ZNF385D: variants seen among roughly 807,000 people sequenced by gnomAD.
The protein encoded by ZNF385D is zinc finger protein 659.
In ZNF385D, 15 loss-of-function variants were observed where a neutral mutation model predicts 35.8. The ratio of observed to expected loss-of-function variants is 0.42; its 90% CI spans 0.28 to 0.64. ZNF385D has a LOEUF of 0.64. Ranked by LOEUF, ZNF385D falls within the 30% of genes least tolerant of loss-of-function variation. The pLI is 0.23. For missense variants in ZNF385D, 474 were observed against 494.6 expected (o/e 0.96, Z 0.39); for synonymous variants, 212 against 186.8 (o/e 1.13, Z -1.10).
Position 22,251,782 on chromosome 3 carries a change from C to G in ZNF385D, c.107-82747G>C, listed in dbSNP as rs566047785. ...AGGGAAATAATATAGCACAGTGGTT[C>G]AGAGTTTGAGCTTGGGATCTTAGAG... On this transcript the variant is annotated intron_variant, in intron 2 of 5. Transcript: ENST00000494108. 2.6e-5 allele frequency among the ~76,000 whole-genome samples: 4 copies of G among 152,118 alleles called. No homozygotes were observed. In the South Asian group the frequency reaches 8.3e-4, roughly 32 times the overall value.
chr3:22,247,319 A>C (rs1699837619), intron 2 of ZNF385D, among the ~76,000 whole-genome samples: 1 of 152,138 alleles, frequency 6.6e-6, no homozygotes, highest in Non-Finnish European at 1.5e-5. Flanking sequence ...TAAAGTAAAA[A>C]TGGTACAGTA....
chr3:21,609,663 T>A (rs190208170), intron 2 of ZNF385D, among the ~76,000 whole-genome samples: 1 of 152,280 alleles, frequency 6.6e-6, no homozygotes, highest in Middle Eastern at 3.4e-3. Context: ...ACAGTGGTAA[T>A]AGTCACTGGT....
chr3:22,175,519 T>G (rs1417270280), intron 2 of ZNF385D, among the ~76,000 whole-genome samples: 1 of 152,086 alleles, frequency 6.6e-6, no homozygotes, highest in East Asian at 1.9e-4. Context: ...CATTCAAAGT[T>G]GCCCATGCAG....
intron 2 of ZNF385D, among the ~76,000 whole-genome samples, chr3:22,174,938 A>G (rs1236037378): frequency 6.6e-6 from 1 of 152,044 alleles, no homozygotes; most frequent in African/African-American, 2.4e-5. Context: ...TATTCCCCAA[A>G]TTTTACAAAA....
At position 21,670,670 on chromosome 3, in the gene ZNF385D, C is replaced by A. The variant is rs1252046359; in HGVS notation, c.23-5642G>T. ...AAGGCGCCCCCCCCCCCCCCCCCCC[C>A]CCCAATGACTGAACGAATCCCCTTT... On this transcript the variant is annotated intron_variant, in intron 1 of 7. Coordinates refer to ENST00000281523, the MANE Select transcript of ZNF385D (RefSeq NM_024697.3). Among the ~76,000 whole-genome samples, 6 of 21,568 alleles carry A rather than the reference C, an allele frequency of 2.8e-4. 1 individual carries two copies. The East Asian group carries it at 4.0e-3, about 14-fold the overall frequency. The allele number at this position is 21,568 out of a possible 152,430, so 14.1% of individuals were successfully genotyped here.
intron 3 of ZNF385D, among the ~76,000 whole-genome samples, chr3:21,854,292 T>G (rs1346138398): frequency 1.3e-5 from 2 of 151,986 alleles, no homozygotes. Flanking sequence ...AAACTTTCAA[T>G]GCCCACCTCC....
intron 1 of ZNF385D, among the ~76,000 whole-genome samples, chr3:21,738,883 G>A (rs1352021312): frequency 1.3e-5 from 2 of 152,176 alleles, no homozygotes; most frequent in African/African-American, 4.8e-5. Context: ...CTTCTGCTTT[G>A]TTGTTCATTT....
intron 3 of ZNF385D, among the ~76,000 whole-genome samples, chr3:22,135,241 C>A (rs991489150): frequency 6.6e-6 from 1 of 152,030 alleles, no homozygotes; most frequent in African/African-American, 2.4e-5. Flanking sequence ...AAAGAATGTA[C>A]AAGAAAGCTC....
At chr3:21,445,156 A>G (rs1044255268) in intron 4 of ZNF385D, among the ~76,000 whole-genome samples, 1 of 152,350 alleles carries the variant, frequency 6.6e-6, no homozygotes, top group Admixed American at 6.5e-5. Context: ...TCTTAACCTC[A>G]AAATGGACCT....
At chr3:22,144,728 ACAATTATT>A (rs1704740416) in intron 3 of ZNF385D, among the ~76,000 whole-genome samples, 1 of 152,100 alleles carries the variant, frequency 6.6e-6, no homozygotes, top group Non-Finnish European at 1.5e-5. Context: ...TATTATGTGT[ACAATTATT>A]CAAGTAAATA....
At chr3:21,652,871 T>G (rs1365928189) in intron 2 of ZNF385D, among the ~76,000 whole-genome samples, 1 of 152,234 alleles carries the variant, frequency 6.6e-6, no homozygotes, top group Admixed American at 6.5e-5. Flanking sequence ...ATAACAATGT[T>G]GATCACCTGA....
intron 4 of ZNF385D, among the ~76,000 whole-genome samples, chr3:21,464,471 A>G (rs1480942214): frequency 6.6e-6 from 1 of 152,122 alleles, no homozygotes; most frequent in Admixed American, 6.6e-5. Context: ...AAGTGCATTC[A>G]TACACATACA....
At position 21,592,582 on chromosome 3, in the gene ZNF385D, T is replaced by C. The variant is rs1390360661; in HGVS notation, c.166-27898A>G. ...CAAAAACAAAAAAAAAAAACAATTA[T>C]TGCATTATGTGTAATTTTCTGCTCT... On this transcript the variant is annotated intron_variant, in intron 2 of 7. Coordinates refer to ENST00000281523, the MANE Select transcript of ZNF385D (RefSeq NM_024697.3). 1.7e-4 allele frequency among the ~76,000 whole-genome samples: 25 copies of C among 150,798 alleles called. 1 individual carries two copies. Among genetic ancestry groups the C allele is most frequent in the South Asian group, 1.0e-3 (5 of 4,772 alleles).
intron 3 of ZNF385D, among the ~76,000 whole-genome samples, chr3:21,880,538 G>A (rs575089898): frequency 2.0e-5 from 3 of 151,926 alleles, no homozygotes; most frequent in East Asian, 1.9e-4. Context: ...TCTATCCACC[G>A]GTCGACCCAT....
chr3:21,558,254 C>T (rs753691989), intron 3 of ZNF385D, among the ~76,000 whole-genome samples: 10 of 151,516 alleles, frequency 6.6e-5, no homozygotes, highest in South Asian at 2.1e-4. Context: ...GTTAGGGTGT[C>T]GATTTTAGAT....
chr3:22,015,281 ACAG>A (rs777425660), intron 3 of ZNF385D, among the ~76,000 whole-genome samples: 1 of 152,176 alleles, frequency 6.6e-6, no homozygotes, highest in Non-Finnish European at 1.5e-5. Context: ...AATACTGATA[ACAG>A]CTAAATAGAT....
At chr3:22,153,302 C>T (rs887494887) in intron 3 of ZNF385D, among the ~76,000 whole-genome samples, 2 of 152,010 alleles carry the variant, frequency 1.3e-5, no homozygotes, top group African/African-American at 2.4e-5. Flanking sequence ...ACCTGCTGGG[C>T]TGAGTGGTCT....
intron 3 of ZNF385D, among the ~76,000 whole-genome samples, chr3:22,002,128 A>C (rs879222855): frequency 1.3e-4 from 20 of 152,056 alleles, no homozygotes; most frequent in East Asian, 3.9e-4. Flanking sequence ...CTTAAAAAAA[A>C]ACACACACAA....
chr3:22,109,237 T>A (rs1281780232), intron 3 of ZNF385D, among the ~76,000 whole-genome samples: 3 of 152,144 alleles, frequency 2.0e-5, no homozygotes, highest in Admixed American at 2.0e-4. Flanking sequence ...AGAGGTCCAG[T>A]CCTACACATT....
Sources: allele counts gnomAD v4.1 joint callset (sites outside exome capture counted in the v4.1 genomes callset), GRCh38; gene constraint gnomAD v4.1.1; transcripts MANE v1.5; gene names NCBI Gene and HGNC (gene_info 2026-07-23, HGNC 2026-07-21).